FRAS1: variants seen among roughly 807,000 people sequenced by gnomAD.
FRAS1 encodes extracellular matrix organizing protein FRAS1.
Under a neutral mutation model 435.2 loss-of-function variants are expected in FRAS1, and 290 were observed. That is an observed-to-expected ratio of 0.67 (90% CI 0.61 to 0.73). The LOEUF (loss-of-function observed/expected upper bound fraction) is 0.73, where lower values mean the gene tolerates loss of function less well. Among genes scored for constraint, FRAS1 ranks in the 30% least tolerant of loss-of-function variants. FRAS1 has a pLI of 0.00. For synonymous variants in FRAS1, 1,800 were observed against 1,851.0 expected (o/e 0.97, Z 0.71); for missense variants, 4,860 against 5,001.5 (o/e 0.97, Z 0.85).
intron 18 of FRAS1, among the ~76,000 whole-genome samples, chr4:78,327,371 A>G (rs1482363382): frequency 6.6e-6 from 1 of 152,234 alleles, no homozygotes; most frequent in Non-Finnish European, 1.5e-5. Flanking sequence ...TTTGTTTTTG[A>G]CATGAAAAGC....
Position 78,526,542 on chromosome 4 carries a change from A to G in FRAS1, c.10810A>G (p.Lys3604Glu). The change falls in exon 70 of 74, where the codon AAG becomes GAG. Residue 3604 changes from lysine (K) to glutamate (E), a missense_variant and splice_region_variant. Physicochemically the swap from Lys to Glu is moderately conservative, Grantham distance 56. Coordinates refer to ENST00000512123, the MANE Select transcript of FRAS1 (RefSeq NM_025074.7). ...LWRATSSYNR[K>E]DYSGEYTIYL... The stretch of plus-strand genomic sequence containing the variant: ...ACAGTCTGCTCTGCATGTTTCCAGG[A>G]AGGACTACTCAGGAGAGTACACCAT... 6.3e-7 allele frequency: 1 copy of G among 1,582,310 alleles called. No individual in the cohort carries two copies. The highest frequency in any genetic ancestry group is 8.6e-7 in the Non-Finnish European group (1 of 1,162,308).
At chr4:78,372,944 G>A (rs1321767719) in intron 24 of FRAS1, 86 bp downstream of exon 24, 2 of 1,413,046 alleles carry the variant, frequency 1.4e-6, no homozygotes, top group African/African-American at 1.5e-5. Context: ...ACAGTGGCAA[G>A]TTTCCCCTTC....
chr4:78,078,705 T>C (rs1432852466), intron 2 of FRAS1, among the ~76,000 whole-genome samples: 2 of 152,010 alleles, frequency 1.3e-5, no homozygotes, highest in Non-Finnish European at 2.9e-5. Context: ...TTCATGTAAG[T>C]ATTTAAGAAA....
rs1019888569 is a variant in FRAS1, at chr4:78,483,432, G to A, written c.8752+897G>A. 1.4e-4 allele frequency among the ~76,000 whole-genome samples: 22 copies of A among 152,142 alleles called. No homozygotes were observed. In the South Asian group the frequency reaches 2.9e-3, roughly 20 times the overall value. Reference sequence around the variant, plus strand: ...TCCACTGTTTGGATACTAGGGTTTGGTGGAGAAGATCAAGTGAAACCTTCC... The same window carrying A: ...TCCACTGTTTGGATACTAGGGTTTGATGGAGAAGATCAAGTGAAACCTTCC... On this transcript the variant is annotated intron_variant, in intron 58 of 73. Transcript: ENST00000512123.
chr4:78,182,750 C>T (rs551845310), intron 2 of FRAS1, among the ~76,000 whole-genome samples: 101 of 151,834 alleles, frequency 6.7e-4, no homozygotes, highest in African/African-American at 2.0e-3. Flanking sequence ...CATGGTGGCA[C>T]GTGCCTGTAA....
chr4:78,137,333 A>C (rs1394185621), intron 2 of FRAS1, among the ~76,000 whole-genome samples: 1 of 152,196 alleles, frequency 6.6e-6, no homozygotes, highest in Non-Finnish European at 1.5e-5. Context: ...TGTTAAGTAA[A>C]GTAACTTCTT....
chr4:78,323,075 A>G (rs1223187997), intron 18 of FRAS1, among the ~76,000 whole-genome samples: 1 of 152,210 alleles, frequency 6.6e-6, no homozygotes, highest in Admixed American at 6.5e-5. Context: ...TAATATGGCG[A>G]TGGCCACTTG....
chr4:78,499,806 G>C lies in FRAS1; in HGVS notation c.9201G>C (p.Val3067=), dbSNP rs749636317. 1.9e-6 allele frequency: 3 copies of C among 1,613,926 alleles called. No individual in the cohort carries two copies. Among genetic ancestry groups the C allele is most frequent in the Non-Finnish European group, 8.5e-7 (1 of 1,179,832 alleles). Residue 3067 remains valine (V), a synonymous_variant, in exon 61 of 74, where the codon GTG becomes GTC. Transcript: ENST00000512123. The part of the protein sequence containing the change: ...PDAIAILNIK[V]IRRGDQNRTS... ...CCATTGCGATTCTGAACATCAAGGT[G>C]ATCCGCAGAGGGGATCAGAACAGGA...
chr4:78,530,930 C>A (rs1034686034), intron 70 of FRAS1, among the ~76,000 whole-genome samples: 1 of 152,138 alleles, frequency 6.6e-6, no homozygotes, highest in African/African-American at 2.4e-5. Context: ...TTACTTTGGG[C>A]AGTATGGCCA....
chr4:78,143,057 CAA>C (rs1423082568), intron 2 of FRAS1, among the ~76,000 whole-genome samples: 2 of 151,920 alleles, frequency 1.3e-5, no homozygotes, highest in Non-Finnish European at 2.9e-5. Flanking sequence ...TTTCAAAAGA[CAA>C]AGTTTATCAG....
In FRAS1 at chr4:78,445,538, T is replaced by G; in HGVS notation, c.5682T>G (p.Pro1894=). ...ENTGTGDRFG[P]ETASDLEASF... ...TTGATGCAGGTGATCGTTTTGGCCCTGAAACTGCCAGTGACCTAGAGGCAT... is the reference window on the plus strand; with the variant it reads ...TTGATGCAGGTGATCGTTTTGGCCCGGAAACTGCCAGTGACCTAGAGGCAT... Residue 1894 remains proline, a synonymous_variant, in exon 42 of 74, where the codon CCT becomes CCG. Coordinates refer to ENST00000512123, the MANE Select transcript of FRAS1 (RefSeq NM_025074.7). 6.3e-7 allele frequency: 1 copy of G among 1,577,600 alleles called. No individual in the cohort carries two copies. The highest frequency in any genetic ancestry group is 8.6e-7 in the Non-Finnish European group (1 of 1,158,450).
chr4:78,286,162 A>T (rs1329586457), intron 13 of FRAS1: 3 of 621,238 alleles, frequency 4.8e-6, no homozygotes, highest in Admixed American at 4.2e-5. Context: ...AGTTGGGATT[A>T]ATAATATCTA....
chr4:78,365,751 CAAAAAAAAAA>C (rs564985967), intron 22 of FRAS1, among the ~76,000 whole-genome samples: 1 of 130,960 alleles, frequency 7.6e-6, no homozygotes, highest in African/African-American at 3.0e-5. Context: ...AAAAAAAAAA[CAAAAAAAAAA>C]AACAGCCTGA....
At chr4:78,472,475 A>G (rs1560747127) in intron 52 of FRAS1, 145 bp downstream of exon 52, 1 of 592,042 alleles carries the variant, frequency 1.7e-6, no homozygotes, top group African/African-American at 1.9e-5. Context: ...TAACCATCCA[A>G]CTTAAGAATT....
At chr4:78,200,863 T>C (rs1723017027) in intron 2 of FRAS1, among the ~76,000 whole-genome samples, 1 of 93,404 alleles carries the variant, frequency 1.1e-5, no homozygotes, top group Non-Finnish European at 2.0e-5. Flanking sequence ...GTTTTCAGCA[T>C]GCCTTGAATA....
At chr4:78,061,855 C>T (rs1015196450) in intron 1 of FRAS1, among the ~76,000 whole-genome samples, 3 of 152,098 alleles carry the variant, frequency 2.0e-5, no homozygotes, top group Non-Finnish European at 4.4e-5. Flanking sequence ...TCATTAATGT[C>T]AGTTGAATAG....
chr4:78,384,931 A>G (rs1269088818), intron 28 of FRAS1, among the ~76,000 whole-genome samples: 1 of 144,578 alleles, frequency 6.9e-6, no homozygotes, highest in Admixed American at 6.9e-5. Context: ...AAAAAAAAAG[A>G]CTGTCTTTAT....
In FRAS1 at chr4:78,400,879, C is replaced by A; in HGVS notation, c.4121C>A (p.Pro1374His). 6.2e-7 allele frequency: 1 copy of A among 1,613,472 alleles called. No homozygotes were observed. Among genetic ancestry groups the A allele is most frequent in the Non-Finnish European group, 8.5e-7 (1 of 1,179,682 alleles). ...ATCTACAAGATTACACAAGACTACC[C>A]CCAGTTTGGTAACTATTTTTTCCTT... is the stretch of plus-strand genomic sequence containing the variant. ...EIIYKITQDY[P>H]QFGEVVLLVN... The change falls in exon 30 of 74, where the codon CCC (proline) becomes CAC (histidine). Residue 1374 changes from proline to histidine, a missense_variant. Pro to His is a moderately conservative substitution (Grantham distance 77, BLOSUM62 -2). Coordinates refer to ENST00000512123, the MANE Select transcript of FRAS1 (RefSeq NM_025074.7).
intron 2 of FRAS1, among the ~76,000 whole-genome samples, chr4:78,085,396 T>C (rs1469874851): frequency 2.0e-5 from 3 of 152,158 alleles, no homozygotes; most frequent in African/African-American, 7.2e-5. Flanking sequence ...TTTTGTTATT[T>C]ACATTTGAAG....
Sources: allele counts gnomAD v4.1 joint callset (sites outside exome capture counted in the v4.1 genomes callset), GRCh38; gene constraint gnomAD v4.1.1; transcripts MANE v1.5; gene names NCBI Gene and HGNC (gene_info 2026-07-23, HGNC 2026-07-21).